The following KCNN3 variants were observed in gnomAD, a reference collection of about 807,000 sequenced individuals.
The protein encoded by KCNN3 is small conductance calcium-activated potassium channel protein 3.
KCNN3 carries 16 observed loss-of-function variants against 62.9 expected under a neutral mutation model. The ratio of observed to expected loss-of-function variants is 0.25; its 90% CI spans 0.17 to 0.39. KCNN3 has a LOEUF of 0.39. Ranked by LOEUF, KCNN3 falls within the 10% of genes least tolerant of loss-of-function variation. The pLI is 1.00. For missense variants in KCNN3, 599 were observed against 949.4 expected (o/e 0.63, Z 4.85); for synonymous variants, 370 against 389.2 (o/e 0.95, Z 0.58).
chr1:154,745,121 G>C (rs1202297588), intron 3 of KCNN3, among the ~76,000 whole-genome samples: 1 of 152,092 alleles, frequency 6.6e-6, no homozygotes, highest in Non-Finnish European at 1.5e-5. Context: ...TCAAGAGTTG[G>C]CTTTGAATTT....
chr1:154,813,472 G>A (rs913135024), intron 2 of KCNN3, among the ~76,000 whole-genome samples: 5 of 152,096 alleles, frequency 3.3e-5, no homozygotes, highest in South Asian at 4.2e-4. Context: ...GAGGCCAGGC[G>A]ACGCACCGCC....
chr1:154,798,381 T>C (rs1573201), intron 2 of KCNN3, among the ~76,000 whole-genome samples: 147,359 of 152,292 alleles, frequency 0.97, 71,383 homozygotes, highest in East Asian at 1. Context: ...GGAGAAGGTA[T>C]ATTAGTTATA....
At chr1:154,764,534 G>A (rs202059719) in intron 3 of KCNN3, among the ~76,000 whole-genome samples, 1 of 152,064 alleles carries the variant, frequency 6.6e-6, no homozygotes, top group African/African-American at 2.4e-5. Context: ...TTTGCCTGTG[G>A]TTCCTTTAGG....
intron 3 of KCNN3, among the ~76,000 whole-genome samples, chr1:154,751,564 C>G (rs960102932): frequency 1.3e-5 from 2 of 152,184 alleles, no homozygotes; most frequent in Non-Finnish European, 1.5e-5. Flanking sequence ...CACTGGACAC[C>G]TGGGGTGCCT....
chr1:154,823,981 G>T (rs562707358), intron 1 of KCNN3, among the ~76,000 whole-genome samples: 1 of 152,120 alleles, frequency 6.6e-6, no homozygotes, highest in African/African-American at 2.4e-5. Context: ...CATTTAATTG[G>T]TACAGTTCTT....
intron 2 of KCNN3, among the ~76,000 whole-genome samples, chr1:154,781,606 G>C (rs1280783811): frequency 6.6e-6 from 1 of 152,182 alleles, no homozygotes; most frequent in African/African-American, 2.4e-5. Flanking sequence ...GAAATCCTTT[G>C]GATGGACCAG....
At chr1:154,749,453 C>T (rs1260715305) in intron 3 of KCNN3, among the ~76,000 whole-genome samples, 1 of 152,140 alleles carries the variant, frequency 6.6e-6, no homozygotes, top group Non-Finnish European at 1.5e-5. Flanking sequence ...ACCCTGTGAC[C>T]AAGAACAAAG....
rs1306111529 is a variant in KCNN3 at position 154,725,986 on chromosome 1, C to T, written c.1631G>A (p.Arg544Gln). ...CTALVVAVVA[R>Q]KLELTKAEKH... is the part of the protein sequence containing the mutation. Reference sequence around the variant, plus strand: ...CTCCGCTTTGGTGAGTTCCAGCTTTCGGGCCACCACGGCCACCACAAGGGC... The same window carrying T: ...CTCCGCTTTGGTGAGTTCCAGCTTTTGGGCCACCACGGCCACCACAAGGGC... The change falls in exon 5 of 8, where the codon CGA (arginine) becomes CAA (glutamine). Residue 544 changes from arginine (R) to glutamine (Q), a missense_variant. Physicochemically the swap from Arg to Gln is conservative, Grantham distance 43. Transcript: ENST00000271915. 8 of 1,614,000 alleles carry T rather than the reference C, an allele frequency of 5.0e-6. No individual in the cohort carries two copies. The highest frequency in any genetic ancestry group is 3.4e-6 in the Non-Finnish European group (4 of 1,180,014).
chr1:154,698,616 A>G lies in KCNN3; in HGVS notation c.*9360T>C, dbSNP rs1699789323. On this transcript the variant is annotated 3_prime_UTR_variant, in exon 8 of 8. Transcript: ENST00000271915. The stretch of plus-strand genomic sequence containing the variant: ...GCAAGTTGGTTCATTACAAGCTGTC[A>G]CACCACAGAAAGAGAAGACCTTTGG... 1 of 152,284 alleles carries G rather than the reference A, an allele frequency of 6.6e-6. No individual in the cohort carries two copies. The allele number at this position is 152,284 out of a possible 1,614,324, so 9.4% of individuals were successfully genotyped here.
intron 1 of KCNN3, among the ~76,000 whole-genome samples, chr1:154,832,676 C>T (rs970717036): frequency 1.3e-5 from 2 of 152,180 alleles, no homozygotes; most frequent in Non-Finnish European, 2.9e-5. Flanking sequence ...AGTAGTTTTG[C>T]TTTCTCTTAG....
At chr1:154,735,159 A>T (rs566756002) in intron 3 of KCNN3, among the ~76,000 whole-genome samples, 1 of 152,220 alleles carries the variant, frequency 6.6e-6, no homozygotes, top group Non-Finnish European at 1.5e-5. Context: ...CGAGCAGGGT[A>T]TCTGAAGAGA....
At chr1:154,821,593 C>A (rs1194973000) in intron 2 of KCNN3, among the ~76,000 whole-genome samples, 1 of 152,194 alleles carries the variant, frequency 6.6e-6, no homozygotes, top group East Asian at 1.9e-4. Flanking sequence ...GAAAATGACA[C>A]CCCCAGCCTA....
chr1:154,757,105 A>G (rs1647760245), intron 3 of KCNN3, among the ~76,000 whole-genome samples: 1 of 152,214 alleles, frequency 6.6e-6, no homozygotes, highest in South Asian at 2.1e-4. Context: ...TAAAGGACAG[A>G]CCTGTGTAGG....
chr1:154,760,965 T>A (rs894016682), intron 3 of KCNN3, among the ~76,000 whole-genome samples: 2 of 152,170 alleles, frequency 1.3e-5, no homozygotes, highest in African/African-American at 4.8e-5. Flanking sequence ...ATTGCGCTTG[T>A]TAGAGAAAAT....
At chr1:154,715,033 AT>A in intron 5 of KCNN3, 30 bp from the exon 6 acceptor site, 1 of 1,612,888 alleles carries the variant, frequency 6.2e-7, no homozygotes, top group South Asian at 1.1e-5. Flanking sequence ...GTAGGCTGCT[AT>A]CAGGTTCATT....
In KCNN3 at chr1:154,699,721, G is replaced by C. The variant is rs1699813533; in HGVS notation, c.*8255C>G. 1 of 152,098 alleles carries C rather than the reference G, an allele frequency of 6.6e-6. No homozygotes were observed. The highest frequency in any genetic ancestry group is 1.5e-5 in the Non-Finnish European group (1 of 68,042). 9.4% of individuals were successfully genotyped at this position (152,098 alleles called of 1,614,324 possible). A position where few individuals can be genotyped will look rare whatever the true frequency, so the allele number is the denominator to read the frequency against. On this transcript the variant is annotated 3_prime_UTR_variant, in exon 8 of 8. Transcript: ENST00000271915. ...CTTCTCTTGCTATTTTCCTCTAGGG[G>C]AGGGGAGTTCTTACTGGTGAGATGC...
At chr1:154,739,599 C>A (rs761467738) in intron 3 of KCNN3, among the ~76,000 whole-genome samples, 1 of 152,248 alleles carries the variant, frequency 6.6e-6, no homozygotes, top group Non-Finnish European at 1.5e-5. Flanking sequence ...GAGGTCTTCA[C>A]ACACTTTTGC....
intron 2 of KCNN3, among the ~76,000 whole-genome samples, chr1:154,796,344 T>C (rs1649735227): frequency 6.6e-6 from 1 of 152,164 alleles, no homozygotes; most frequent in African/African-American, 2.4e-5. Context: ...AGCTCTTTGT[T>C]ATTAGTCTGT....
At chr1:154,798,264 AG>A (rs1291617023) in intron 2 of KCNN3, among the ~76,000 whole-genome samples, 1 of 152,208 alleles carries the variant, frequency 6.6e-6, no homozygotes, top group Non-Finnish European at 1.5e-5. Context: ...GACAGAAAAT[AG>A]GTGGGCATTG....
Sources: gnomAD v4.1 joint callset for allele counts (sites outside exome capture counted in the v4.1 genomes callset) on GRCh38, gnomAD v4.1.1 for gene constraint, MANE v1.5 for transcripts, NCBI Gene and HGNC (gene_info 2026-07-23, HGNC 2026-07-21) for gene names.